The following HDAC9 variants were observed in gnomAD, a reference collection of about 807,000 sequenced individuals.
HDAC9 encodes the protein MEF-2 interacting transcription repressor (MITR) protein.
In HDAC9, 41 loss-of-function variants were observed where a neutral mutation model predicts 139.4. That is an observed-to-expected ratio of 0.29 (90% CI 0.23 to 0.38). HDAC9 has a LOEUF of 0.38. HDAC9 is among the 10% of genes least tolerant of loss of function. The pLI, the probability that HDAC9 is intolerant of heterozygous loss-of-function variation, is 1.00. For synonymous variants in HDAC9, 517 were observed against 476.2 expected (o/e 1.09, Z -1.12); for missense variants, 1,147 against 1,297.0 (o/e 0.88, Z 1.78).
chr7:18,329,228 C>T (rs927164607), intron 1 of HDAC9, among the ~76,000 whole-genome samples: 6 of 151,156 alleles, frequency 4.0e-5, no homozygotes, highest in African/African-American at 1.5e-4. Context: ...TCATTTTTAT[C>T]AAAGGGTACA....
chr7:18,187,357 G>A lies in HDAC9; in HGVS notation c.25+25008G>A. On this transcript the variant is annotated intron_variant, in intron 2 of 12. Transcript: ENST00000417496. ...GCACATCCTAGCAAGGAGAAAAGTA[G>A]AACTGGGATTAAAACCCTATTCTAT... is the stretch of plus-strand genomic sequence containing the variant. 1.3e-5 allele frequency among the ~76,000 whole-genome samples: 2 copies of A among 152,178 alleles called. 1 individual carries two copies. The highest frequency in any genetic ancestry group is 2.9e-5 in the Non-Finnish European group (2 of 68,030).
intron 1 of HDAC9, among the ~76,000 whole-genome samples, chr7:18,408,012 C>T (rs1292879795): frequency 2.6e-5 from 4 of 152,148 alleles, no homozygotes; most frequent in South Asian, 2.1e-4. Context: ...TAACCTCATA[C>T]TTACATCGTA....
At chr7:18,684,591 G>T (rs1343257334) in intron 12 of HDAC9, among the ~76,000 whole-genome samples, 1 of 151,966 alleles carries the variant, frequency 6.6e-6, no homozygotes, top group Non-Finnish European at 1.5e-5. Flanking sequence ...GAGTGTGAAT[G>T]GATACCTTTG....
intron 2 of HDAC9, among the ~76,000 whole-genome samples, chr7:18,206,931 T>C (rs924023315): frequency 1.1e-4 from 1 of 8,806 alleles, no homozygotes; most frequent in Non-Finnish European, 2.5e-4. Context: ...ATATCTTTTC[T>C]TTTTTTTTTT....
chr7:18,875,816 A>T (rs1388348073), intron 22 of HDAC9, among the ~76,000 whole-genome samples: 1 of 152,186 alleles, frequency 6.6e-6, no homozygotes, highest in African/African-American at 2.4e-5. Flanking sequence ...GATAAACCTC[A>T]CTTGTGGGTC....
chr7:18,840,619 AT>A (rs1796524034), intron 21 of HDAC9, among the ~76,000 whole-genome samples: 1 of 152,118 alleles, frequency 6.6e-6, no homozygotes, highest in African/African-American at 2.4e-5. Context: ...TATTTTGGAC[AT>A]ATCATTAACT....
In HDAC9 at chr7:18,739,665, A is replaced by T. The variant is rs572672932; in HGVS notation, c.1910-9340A>T. Among the ~76,000 whole-genome samples the T allele has an allele frequency of 3.3e-5, 5 of 152,146 alleles. 1 individual carries two copies. The highest frequency in any genetic ancestry group is 9.6e-5 in the African/African-American group (4 of 41,520). On this transcript the variant is annotated intron_variant, in intron 13 of 25. Transcript: ENST00000686413. ...TCTTCCCAGAGAGGCAGCTGCCTAT[A>T]TGAGGTGTCTGTCGGTCCCTACTGG...
At chr7:18,702,963 T>C (rs1783621422) in intron 12 of HDAC9, among the ~76,000 whole-genome samples, 1 of 152,228 alleles carries the variant, frequency 6.6e-6, no homozygotes, top group African/African-American at 2.4e-5. Context: ...TGAATGACAA[T>C]TGTGTATTTT....
chr7:18,252,737 A>G, intron 2 of HDAC9, among the ~76,000 whole-genome samples: 1 of 151,388 alleles, frequency 6.6e-6, no homozygotes, highest in Non-Finnish European at 1.5e-5. Flanking sequence ...ATTTTTGTTG[A>G]TTATTAAAAG....
At chr7:18,910,409 G>A (rs147617283) in intron 22 of HDAC9, among the ~76,000 whole-genome samples, 290 of 152,018 alleles carry the variant, frequency 1.9e-3, no homozygotes, top group Non-Finnish European at 3.6e-3. Context: ...TTTGTATCTT[G>A]TAACTTTACT....
At chr7:18,514,611 C>T (rs1270233045) in intron 2 of HDAC9, among the ~76,000 whole-genome samples, 4 of 152,120 alleles carry the variant, frequency 2.6e-5, no homozygotes, top group Non-Finnish European at 4.4e-5. Context: ...ATAATTGTTT[C>T]CAGCTATCTT....
chr7:18,458,374 G>A (rs1793537322), intron 1 of HDAC9, among the ~76,000 whole-genome samples: 1 of 152,074 alleles, frequency 6.6e-6, no homozygotes, highest in Non-Finnish European at 1.5e-5. Flanking sequence ...TGGTTACTAG[G>A]AAACCATAAA....
Position 18,595,477 on chromosome 7 carries a change from T to C in HDAC9, c.664+1448T>C, listed in dbSNP as rs185541628. Among the ~76,000 whole-genome samples the C allele has an allele frequency of 6.4e-4, 97 of 152,208 alleles. 1 individual carries two copies. The highest frequency in any genetic ancestry group is 1.4e-3 in the Admixed American group (21 of 15,250). On this transcript the variant is annotated intron_variant, in intron 6 of 25. Transcript: ENST00000686413. The stretch of plus-strand genomic sequence containing the variant: ...CAGGAGTTTTAGAATGTGGGGACTT[T>C]GATCTGCAGGCTTGACATTTATTTG...
intron 1 of HDAC9, among the ~76,000 whole-genome samples, chr7:18,320,683 A>C (rs1268652781): frequency 6.6e-6 from 1 of 152,126 alleles, no homozygotes; most frequent in Non-Finnish European, 1.5e-5. Context: ...TGGTAGATAT[A>C]ATTATGTCCT....
intron 1 of HDAC9, among the ~76,000 whole-genome samples, chr7:18,355,813 T>C (rs17419093): frequency 0.19 from 29,074 of 152,098 alleles, 2,916 homozygotes; most frequent in Admixed American, 0.22. Context: ...TGCCTTGTCA[T>C]GTTATGAAGC....
chr7:18,590,581 G>A lies in HDAC9; in HGVS notation c.415+95G>A, dbSNP rs778374551. 5.2e-5 allele frequency: 66 copies of A among 1,270,754 alleles called. 1 individual carries two copies. The highest frequency in any genetic ancestry group is 6.3e-5 in the Non-Finnish European group (59 of 931,424). 78.7% of individuals were successfully genotyped at this position (1,270,754 alleles called of 1,614,324 possible). On this transcript the variant is annotated intron_variant, in intron 4 of 25. Coordinates refer to ENST00000686413, the MANE Select transcript of HDAC9 (RefSeq NM_178425.4). ...CCTGATAAAGAGTGCGGTTAGACTCGTCAAAATTATCTGTGTTTAATTAAA... is the reference window on the plus strand; with the variant it reads ...CCTGATAAAGAGTGCGGTTAGACTCATCAAAATTATCTGTGTTTAATTAAA...
chr7:18,175,343 G>A (rs887168258), intron 2 of HDAC9, among the ~76,000 whole-genome samples: 7 of 152,160 alleles, frequency 4.6e-5, no homozygotes, highest in African/African-American at 9.7e-5. Context: ...GTGGTGTCCC[G>A]TTTTTCCAGG....
At chr7:18,171,109 T>C (rs1262460218) in intron 2 of HDAC9, among the ~76,000 whole-genome samples, 1 of 152,210 alleles carries the variant, frequency 6.6e-6, no homozygotes, top group African/African-American at 2.4e-5. Flanking sequence ...GTTTGTATCC[T>C]CTTTTATTTC....
At chr7:18,978,553 AGACTT>A (rs998886240) in intron 25 of HDAC9, among the ~76,000 whole-genome samples, 25 of 152,248 alleles carry the variant, frequency 1.6e-4, no homozygotes, top group African/African-American at 6.0e-4. Context: ...TGGGGGCAAA[AGACTT>A]GATCAAAAAA....
Sources: allele counts gnomAD v4.1 joint callset (sites outside exome capture counted in the v4.1 genomes callset), GRCh38; gene constraint gnomAD v4.1.1; transcripts MANE v1.5; gene names NCBI Gene and HGNC (gene_info 2026-07-23, HGNC 2026-07-21).